TBC1D4: variants seen among roughly 807,000 people sequenced by gnomAD.
TBC1D4 encodes TBC (Tre-2, BUB2, CDC16) domain-containing protein.
TBC1D4 carries 121 observed loss-of-function variants against 142.5 expected under a neutral mutation model. That is an observed-to-expected ratio of 0.85 (90% CI 0.73 to 0.99). TBC1D4 has a LOEUF of 0.99. Among genes scored for constraint, TBC1D4 ranks in the 50% least tolerant of loss-of-function variants. The pLI is 0.00. For missense variants in TBC1D4, 1,475 were observed against 1,606.6 expected, an observed-to-expected ratio of 0.92 and a Z score of 1.40; for synonymous variants, 630 against 628.2, an observed-to-expected ratio of 1.00 and a Z score of -0.04.
At chr13:75,410,222 T>G (rs561326615) in intron 1 of TBC1D4, among the ~76,000 whole-genome samples, 1 of 152,328 alleles carries the variant, frequency 6.6e-6, no homozygotes, top group East Asian at 1.9e-4. Flanking sequence ...TTTCCTATAT[T>G]ACAGCCATCC....
intron 1 of TBC1D4, among the ~76,000 whole-genome samples, chr13:75,478,494 G>A (rs373639829): frequency 3.9e-5 from 6 of 152,134 alleles, no homozygotes; most frequent in East Asian, 3.9e-4. Flanking sequence ...AGACTCTGTC[G>A]AGGACTGAGG....
intron 1 of TBC1D4, among the ~76,000 whole-genome samples, chr13:75,378,087 T>C (rs1883623586): frequency 6.6e-6 from 1 of 152,176 alleles, no homozygotes; most frequent in South Asian, 2.1e-4. Flanking sequence ...TTTTTGTTAG[T>C]GTAAAATACA....
At chr13:75,307,854 T>C (rs1159510305) in intron 14 of TBC1D4, among the ~76,000 whole-genome samples, 2 of 152,194 alleles carry the variant, frequency 1.3e-5, no homozygotes, top group Admixed American at 1.3e-4. Context: ...GCTTTATATT[T>C]CTCTGATAAC....
rs1259137802 is a variant in TBC1D4 at position 75,362,657 on chromosome 13, T to C, written c.499-50A>G. On this transcript the variant is annotated intron_variant, in intron 1 of 20. Coordinates refer to ENST00000377636, the MANE Select transcript of TBC1D4 (RefSeq NM_014832.5). This position sits in a 1 kb window ranked among gnomAD's most constrained non-coding sequence, Gnocchi z 4.2. ...ATTCTAGTTGAAAGTTTTGAGACAA[T>C]TTACATTTACCTAGCCCAATTATTA... 1.3e-6 allele frequency: 2 copies of C among 1,598,564 alleles called. No homozygotes were observed. The highest frequency in any genetic ancestry group is 1.7e-6 in the Non-Finnish European group (2 of 1,169,838).
intron 1 of TBC1D4, among the ~76,000 whole-genome samples, chr13:75,410,144 A>T (rs547786696): frequency 6.6e-6 from 1 of 152,320 alleles, no homozygotes; most frequent in Admixed American, 6.5e-5. Context: ...TGCTCATGAT[A>T]ATCACTCAAT....
Position 75,326,230 on chromosome 13 carries a change from G to T in TBC1D4, c.2000C>A (p.Pro667His). Residue 667 changes from proline to histidine, a missense_variant, in exon 10 of 21, where the codon CCT (proline) becomes CAT (histidine). By Grantham distance (77) the Pro-to-His change is moderately conservative (BLOSUM62 -2). This residue lies in a region of TBC1D4 where 1,227 missense variants were observed against 1,267.7 expected (regional missense o/e 0.97). Transcript: ENST00000377636. ...TTCACTGGAGCTCTGCCTCAGCAGA[G>T]GGGAACGCACACCCTGAGCCCTCCC... ...QDGRAQGVRS[P>H]LLRQSSSEQC... The T allele has an allele frequency of 6.2e-7, 1 of 1,614,144 alleles. No homozygotes were observed. The highest frequency in any genetic ancestry group is 8.5e-7 in the Non-Finnish European group (1 of 1,180,040).
At chr13:75,334,643 G>T (rs913741209) in intron 8 of TBC1D4, among the ~76,000 whole-genome samples, 2 of 151,910 alleles carry the variant, frequency 1.3e-5, no homozygotes, top group Non-Finnish European at 2.9e-5. Flanking sequence ...GAGTACAGTG[G>T]CATGATCTCA....
intron 5 of TBC1D4, among the ~76,000 whole-genome samples, chr13:75,346,763 T>C (rs59677065): frequency 9.6e-5 from 14 of 146,082 alleles, no homozygotes; most frequent in African/African-American, 1.5e-4. Context: ...TCAAAGTTTT[T>C]GAAAAAAAAA....
At chr13:75,422,215 C>G (rs1886199840) in intron 1 of TBC1D4, among the ~76,000 whole-genome samples, 1 of 152,062 alleles carries the variant, frequency 6.6e-6, no homozygotes, top group African/African-American at 2.4e-5. Flanking sequence ...CCCTCAGTCT[C>G]ATGGAGTTCC....
intron 3 of TBC1D4, among the ~76,000 whole-genome samples, chr13:75,357,495 G>A (rs1882146997): frequency 6.6e-6 from 1 of 152,052 alleles, no homozygotes; most frequent in Non-Finnish European, 1.5e-5. Flanking sequence ...CCCAACTCCA[G>A]CCACACTGGC....
intron 15 of TBC1D4, among the ~76,000 whole-genome samples, chr13:75,304,520 A>G (rs493460): frequency 0.41 from 62,998 of 152,032 alleles, 13,934 homozygotes; most frequent in African/African-American, 0.58. Flanking sequence ...TAATTATTAA[A>G]CTGTAAATTA....
chr13:75,453,773 A>C (rs539231001), intron 1 of TBC1D4, among the ~76,000 whole-genome samples: 68 of 152,174 alleles, frequency 4.5e-4, no homozygotes, highest in African/African-American at 1.4e-3. Flanking sequence ...GAGATGGCAG[A>C]ATCTCTTGAA....
intron 1 of TBC1D4, among the ~76,000 whole-genome samples, chr13:75,406,330 T>C (rs1014270131): frequency 6.6e-6 from 1 of 152,248 alleles, no homozygotes; most frequent in African/African-American, 2.4e-5. Flanking sequence ...TCACTGGGCA[T>C]CACCCAGATT....
intron 8 of TBC1D4, among the ~76,000 whole-genome samples, chr13:75,333,971 T>C (rs1165515203): frequency 6.6e-6 from 1 of 152,198 alleles, no homozygotes; most frequent in Non-Finnish European, 1.5e-5. Flanking sequence ...TGTTTCTTCA[T>C]ATCAGGTGGC....
At chr13:75,409,522 T>A (rs184068755) in intron 1 of TBC1D4, among the ~76,000 whole-genome samples, 1 of 152,274 alleles carries the variant, frequency 6.6e-6, no homozygotes, top group East Asian at 1.9e-4. Context: ...CCCCCCCTCT[T>A]CAAAATACCC....
chr13:75,409,725 T>A (rs1885514614), intron 1 of TBC1D4, among the ~76,000 whole-genome samples: 1 of 152,218 alleles, frequency 6.6e-6, no homozygotes, highest in Admixed American at 6.5e-5. Context: ...CAACAAAGGC[T>A]TTCAAGGAGG....
chr13:75,457,974 C>T (rs1032371166), intron 1 of TBC1D4, among the ~76,000 whole-genome samples: 1 of 152,124 alleles, frequency 6.6e-6, no homozygotes, highest in African/African-American at 2.4e-5. Flanking sequence ...TGGTCTCTGG[C>T]CGCATAGTAG....
intron 1 of TBC1D4, among the ~76,000 whole-genome samples, chr13:75,381,279 G>C (rs1241884446): frequency 6.6e-6 from 1 of 152,070 alleles, no homozygotes; most frequent in Non-Finnish European, 1.5e-5. Context: ...ACAAACACCA[G>C]TCCTTCCTCA....
chr13:75,388,527 T>C (rs183702392), intron 1 of TBC1D4, among the ~76,000 whole-genome samples: 3 of 152,302 alleles, frequency 2.0e-5, no homozygotes, highest in Admixed American at 1.3e-4. Flanking sequence ...GGCTGGGTTT[T>C]TTGCTATGAA....
Sources: allele counts gnomAD v4.1 joint callset (sites outside exome capture counted in the v4.1 genomes callset), GRCh38; gene constraint gnomAD v4.1.1; regional missense constraint gnomAD v4.1.1; non-coding constraint Gnocchi (gnomAD v3.1); transcripts MANE v1.5; gene names NCBI Gene and HGNC (gene_info 2026-07-23, HGNC 2026-07-21).